PCDH7: variants seen among roughly 807,000 people sequenced by gnomAD.
PCDH7 encodes protocadherin 7.
A neutral mutation model predicts 58.9 loss-of-function variants in PCDH7; 17 were observed. That is an observed-to-expected ratio of 0.29 (90% CI 0.20 to 0.43). The LOEUF (loss-of-function observed/expected upper bound fraction) is 0.43. Among genes scored for constraint, PCDH7 ranks in the 20% least tolerant of loss-of-function variants. The probability of loss-of-function intolerance (pLI) is 1.00; values close to 1 mark genes in which losing one functional copy is unlikely to be tolerated. For missense variants in PCDH7, 1,274 were observed against 1,441.0 expected, an observed-to-expected ratio of 0.88 and a Z score of 1.88; for synonymous variants, 664 against 616.4, an observed-to-expected ratio of 1.08 and a Z score of -1.14.
At chr4:30,752,633 T>TTTTTTTC (rs1286978542) in intron 1 of PCDH7, among the ~76,000 whole-genome samples, 5 of 39,186 alleles carry the variant, frequency 1.3e-4, no homozygotes, top group Non-Finnish European at 2.5e-4. Flanking sequence ...GGACTCTTAC[T>TTTTTTTC]TTTTTTTTTT....
At chr4:30,737,646 G>A (rs924546690), downstream of PCDH7, among the ~76,000 whole-genome samples, 1 of 152,148 alleles carries the variant, frequency 6.6e-6, no homozygotes, top group African/African-American at 2.4e-5. Flanking sequence ...TCAGATCAAG[G>A]TGCATCAACC....
At chr4:31,047,629 T>C (rs1306503263) in intron 3 of PCDH7, among the ~76,000 whole-genome samples, 1 of 152,122 alleles carries the variant, frequency 6.6e-6, no homozygotes, top group Non-Finnish European at 1.5e-5. Flanking sequence ...TTTTGATTGA[T>C]TGGTTGACTG....
chr4:30,870,569 C>G (rs745543213), intron 1 of PCDH7, among the ~76,000 whole-genome samples: 2 of 152,122 alleles, frequency 1.3e-5, no homozygotes, highest in African/African-American at 4.8e-5. Context: ...TTCCTCCTAA[C>G]CATAGAAGGC....
rs35635325 is a variant in PCDH7, at chr4:31,016,396, C to CTTT, written c.*7+66196_*7+66198dup. Among the ~76,000 whole-genome samples, 392 of 128,006 alleles carry CTTT rather than the reference C, an allele frequency of 3.1e-3. 6 individuals are homozygous for CTTT. Among genetic ancestry groups the CTTT allele is most frequent in the East Asian group, 5.8e-3 (26 of 4,474 alleles). 84.0% of individuals were successfully genotyped at this position (128,006 alleles called of 152,430 possible). On this transcript the variant is annotated intron_variant, in intron 3 of 3. Coordinates refer to the PCDH7 transcript ENST00000509759. ...AAGCAAGTAACTGAAAAAGACAGATCTTTTTTTTTTTTTTTTTGCAGAACA... is the reference window on the plus strand; with the variant it reads ...AAGCAAGTAACTGAAAAAGACAGATCTTTTTTTTTTTTTTTTTTTTGCAGAACA...
intron 1 of PCDH7, among the ~76,000 whole-genome samples, chr4:30,844,704 A>C (rs538991785): frequency 2.0e-4 from 31 of 152,208 alleles, no homozygotes; most frequent in Non-Finnish European, 4.1e-4. Flanking sequence ...TTTGTTTCAA[A>C]AGGAATTTGA....
chr4:30,988,047 C>T (rs1751132509), intron 3 of PCDH7, among the ~76,000 whole-genome samples: 1 of 152,110 alleles, frequency 6.6e-6, no homozygotes, highest in African/African-American at 2.4e-5. Context: ...TCTGTGAAAA[C>T]ATGCTGTTCC....
chr4:30,878,270 G>A lies in PCDH7; in HGVS notation c.71-41883G>A, dbSNP rs910899335. Reference sequence around the variant, plus strand: ...GATTTCAGTCAGTGGAGAGTAAAGGGCAAGGGAGTCCACTTCTGGACTGTT... The same window carrying A: ...GATTTCAGTCAGTGGAGAGTAAAGGACAAGGGAGTCCACTTCTGGACTGTT... On this transcript the variant is annotated intron_variant, in intron 1 of 3. Transcript: ENST00000509759. 2.6e-5 allele frequency among the ~76,000 whole-genome samples: 4 copies of A among 152,152 alleles called. No homozygotes were observed. In the East Asian group the frequency reaches 5.8e-4, roughly 22 times the overall value.
At chr4:31,043,398 C>A (rs746260674) in intron 3 of PCDH7, among the ~76,000 whole-genome samples, 7 of 152,132 alleles carry the variant, frequency 4.6e-5, no homozygotes, top group Non-Finnish European at 8.8e-5. Context: ...TACACTCCCA[C>A]CAACAGTGGA....
At chr4:30,857,169 A>G (rs1471395551) in intron 1 of PCDH7, among the ~76,000 whole-genome samples, 1 of 152,104 alleles carries the variant, frequency 6.6e-6, no homozygotes, top group Non-Finnish European at 1.5e-5. Context: ...TACCTTTTAC[A>G]GTGACTTCTC....
At chr4:30,862,633 C>T (rs539251096) in intron 1 of PCDH7, among the ~76,000 whole-genome samples, 21 of 152,198 alleles carry the variant, frequency 1.4e-4, no homozygotes, top group Non-Finnish European at 2.9e-4. Flanking sequence ...TAGGGTTTGT[C>T]GCCTATGCTG....
At chr4:31,119,867 T>C (rs1003959478) in intron 3 of PCDH7, among the ~76,000 whole-genome samples, 3 of 152,044 alleles carry the variant, frequency 2.0e-5, no homozygotes, top group African/African-American at 7.2e-5. Flanking sequence ...ATTCTGCCAT[T>C]TTCCCTCTTA....
chr4:30,750,690 A>G (rs925780280), intron 1 of PCDH7, among the ~76,000 whole-genome samples: 2 of 152,138 alleles, frequency 1.3e-5, no homozygotes, highest in African/African-American at 4.8e-5. Context: ...ATGTGCATTC[A>G]TTAACTTACC....
At chr4:30,870,264 G>T (rs932155250) in intron 1 of PCDH7, among the ~76,000 whole-genome samples, 8 of 151,956 alleles carry the variant, frequency 5.3e-5, no homozygotes, top group African/African-American at 1.9e-4. Flanking sequence ...AGTTTATTTT[G>T]CTGTGCAGAA....
chr4:30,763,430 C>T (rs534740972), intron 1 of PCDH7, among the ~76,000 whole-genome samples: 166 of 152,194 alleles, frequency 1.1e-3, no homozygotes, highest in Non-Finnish European at 2.0e-3. Context: ...GAAATTATTT[C>T]GAATGTCAAC....
Position 30,762,875 on chromosome 4 carries a change from A to T in PCDH7, c.70+38279A>T, listed in dbSNP as rs1444311629. 2.6e-5 allele frequency among the ~76,000 whole-genome samples: 4 copies of T among 152,360 alleles called. No individual in the cohort carries two copies. In the East Asian group the frequency reaches 5.8e-4, roughly 22 times the overall value. On this transcript the variant is annotated intron_variant, in intron 1 of 3. Coordinates refer to the PCDH7 transcript ENST00000509759. Reference sequence around the variant, plus strand: ...GTCATTAGAATGGACATACAATCAGAACATCCCAAACTTGTTTACTCACTC... The same window carrying T: ...GTCATTAGAATGGACATACAATCAGTACATCCCAAACTTGTTTACTCACTC...
intron 1 of PCDH7, among the ~76,000 whole-genome samples, chr4:30,824,148 TTTCTTTCTTTC>T (rs1224352551): frequency 2.7e-4 from 40 of 147,970 alleles, no homozygotes; most frequent in African/African-American, 9.2e-4. Flanking sequence ...TCTTTCTTTC[TTTCTTTCTTTC>T]TTTTTGCTTC....
chr4:30,829,001 T>G (rs191193958), intron 1 of PCDH7, among the ~76,000 whole-genome samples: 30 of 152,230 alleles, frequency 2.0e-4, no homozygotes, highest in African/African-American at 6.5e-4. Context: ...ATGTTTTCCT[T>G]AAAGTAAACT....
At chr4:30,878,785 G>T (rs1736599922) in intron 1 of PCDH7, among the ~76,000 whole-genome samples, 1 of 152,104 alleles carries the variant, frequency 6.6e-6, no homozygotes, top group Non-Finnish European at 1.5e-5. Flanking sequence ...GGGAGGTGGA[G>T]GTTGCAGTGA....
intron 1 of PCDH7, among the ~76,000 whole-genome samples, chr4:30,807,957 C>A (rs999093778): frequency 5.9e-5 from 9 of 152,174 alleles, no homozygotes; most frequent in Non-Finnish European, 1.2e-4. Context: ...AAAGTATATG[C>A]AGTCACAGCG....
Sources: allele counts gnomAD v4.1 joint callset (sites outside exome capture counted in the v4.1 genomes callset), GRCh38; gene constraint gnomAD v4.1.1; transcripts MANE v1.5; gene names NCBI Gene and HGNC (gene_info 2026-07-23, HGNC 2026-07-21).